TMEM132D: variants seen among roughly 807,000 people sequenced by gnomAD.
The protein encoded by TMEM132D is mature OL transmembrane protein.
TMEM132D carries 21 observed loss-of-function variants against 62.3 expected under a neutral mutation model. The ratio of observed to expected loss-of-function variants is 0.34; its 90% CI spans 0.24 to 0.49. TMEM132D has a LOEUF of 0.49. Among genes scored for constraint, TMEM132D ranks in the 20% least tolerant of loss-of-function variants. The pLI is 0.99. For missense variants in TMEM132D, 1,346 were observed against 1,402.8 expected, an observed-to-expected ratio of 0.96 and a Z score of 0.65; for synonymous variants, 621 against 575.6, an observed-to-expected ratio of 1.08 and a Z score of -1.13.
chr12:129,632,375 A>T (rs1396025795), intron 2 of TMEM132D, among the ~76,000 whole-genome samples: 2 of 152,220 alleles, frequency 1.3e-5, no homozygotes, highest in Admixed American at 1.3e-4. Flanking sequence ...AGTAAAAACA[A>T]GGAAGACATA....
chr12:129,427,958 A>G (rs780296670), intron 3 of TMEM132D, among the ~76,000 whole-genome samples: 14 of 152,134 alleles, frequency 9.2e-5, no homozygotes, highest in Non-Finnish European at 1.5e-4. Flanking sequence ...TGTGTTTTCA[A>G]TCCTCTCTCG....
chr12:129,105,449 C>A (rs1449928740), intron 5 of TMEM132D, among the ~76,000 whole-genome samples: 2 of 137,208 alleles, frequency 1.5e-5, no homozygotes, highest in Non-Finnish European at 1.5e-5. Flanking sequence ...TGCTAGATGA[C>A]GAGTTAGTGG....
At chr12:129,578,253 C>G (rs755434643) in intron 2 of TMEM132D, among the ~76,000 whole-genome samples, 1 of 152,068 alleles carries the variant, frequency 6.6e-6, no homozygotes, top group Admixed American at 6.6e-5. Context: ...TGAATGCACC[C>G]CAGGCTTCCC....
intron 3 of TMEM132D, among the ~76,000 whole-genome samples, chr12:129,487,033 G>T (rs375977502): frequency 6.2e-5 from 9 of 145,456 alleles, no homozygotes; most frequent in African/African-American, 2.4e-4. Context: ...TTTGCGTATG[G>T]GGGGGGGGGT....
intron 5 of TMEM132D, among the ~76,000 whole-genome samples, chr12:129,185,499 C>T (rs576109880): frequency 6.6e-6 from 1 of 152,184 alleles, no homozygotes; most frequent in Admixed American, 6.5e-5. Context: ...AAGTCATCAA[C>T]AGAAGATGAT....
chr12:129,352,562 A>C (rs1381610507), intron 3 of TMEM132D, among the ~76,000 whole-genome samples: 1 of 152,114 alleles, frequency 6.6e-6, no homozygotes, highest in East Asian at 1.9e-4. Context: ...ACAAATTTAC[A>C]AGAAAAAAAC....
intron 2 of TMEM132D, among the ~76,000 whole-genome samples, chr12:129,595,014 A>G (rs1422798356): frequency 6.6e-6 from 1 of 152,226 alleles, no homozygotes; most frequent in Non-Finnish European, 1.5e-5. Context: ...GCTTTGTTTT[A>G]CATAGGAGGA....
chr12:129,691,213 A>T (rs1430301059), intron 2 of TMEM132D, among the ~76,000 whole-genome samples: 4 of 152,000 alleles, frequency 2.6e-5, no homozygotes, highest in Non-Finnish European at 5.9e-5. Flanking sequence ...AGCATTAAAA[A>T]CATACATTAG....
At chr12:129,788,446 T>G (rs990485640) in intron 1 of TMEM132D, among the ~76,000 whole-genome samples, 1 of 152,232 alleles carries the variant, frequency 6.6e-6, no homozygotes, top group Non-Finnish European at 1.5e-5. Flanking sequence ...CCCTCTGATC[T>G]CCACTTAACT....
intron 3 of TMEM132D, among the ~76,000 whole-genome samples, chr12:129,375,576 C>T (rs1870758872): frequency 6.6e-6 from 1 of 152,154 alleles, no homozygotes; most frequent in Non-Finnish European, 1.5e-5. Flanking sequence ...GGAAATCAAA[C>T]TGTATGGAGG....
chr12:129,569,657 G>A (rs1399205825), intron 2 of TMEM132D, among the ~76,000 whole-genome samples: 2 of 152,070 alleles, frequency 1.3e-5, no homozygotes, highest in African/African-American at 4.8e-5. Context: ...ACTGCTCAAG[G>A]TTACACAGCG....
At chr12:129,204,134 T>C (rs1160780258) in intron 5 of TMEM132D, among the ~76,000 whole-genome samples, 1 of 152,236 alleles carries the variant, frequency 6.6e-6, no homozygotes, top group Admixed American at 6.5e-5. Context: ...GTGCCTTTTT[T>C]CTTCTAAATG....
chr12:129,901,758 G>A (rs2137403344), intron 1 of TMEM132D, among the ~76,000 whole-genome samples: 1 of 152,220 alleles, frequency 6.6e-6, no homozygotes, highest in African/African-American at 2.4e-5. Context: ...ACAATAGTGA[G>A]GTCCTATTTC....
intron 4 of TMEM132D, among the ~76,000 whole-genome samples, chr12:129,242,639 G>T (rs1241345205): frequency 6.6e-6 from 1 of 151,594 alleles, no homozygotes; most frequent in South Asian, 2.1e-4. Context: ...ATTTATTTTT[G>T]ATTTCTATTT....
chr12:129,283,192 C>T (rs1881202345), intron 4 of TMEM132D, among the ~76,000 whole-genome samples: 1 of 152,162 alleles, frequency 6.6e-6, no homozygotes, highest in Admixed American at 6.5e-5. Context: ...AGGCATTGTT[C>T]TTGGCTCTGG....
chr12:129,455,137 C>T (rs1485564754), intron 3 of TMEM132D, among the ~76,000 whole-genome samples: 1 of 152,178 alleles, frequency 6.6e-6, no homozygotes, highest in East Asian at 1.9e-4. Flanking sequence ...AATAAGCATG[C>T]TATTAGGTTC....
intron 1 of TMEM132D, among the ~76,000 whole-genome samples, chr12:129,799,832 G>C (rs1871704776): frequency 6.6e-6 from 1 of 152,134 alleles, no homozygotes; most frequent in Admixed American, 6.5e-5. Context: ...ACTGGGGCTT[G>C]TCCTCTGAAG....
intron 1 of TMEM132D, among the ~76,000 whole-genome samples, chr12:129,819,095 A>T (rs1241988383): frequency 6.6e-6 from 1 of 152,074 alleles, no homozygotes; most frequent in East Asian, 1.9e-4. Flanking sequence ...TGCTAAATGC[A>T]CACAACTGCT....
intron 5 of TMEM132D, among the ~76,000 whole-genome samples, chr12:129,095,934 G>A (rs115888454): frequency 0.021 from 3,212 of 152,228 alleles, 125 homozygotes; most frequent in African/African-American, 0.073. Flanking sequence ...CAGCCATTCA[G>A]TCCCTAGAGC....
Sources: gnomAD v4.1 joint callset for allele counts (sites outside exome capture counted in the v4.1 genomes callset) on GRCh38, gnomAD v4.1.1 for gene constraint, MANE v1.5 for transcripts, NCBI Gene and HGNC (gene_info 2026-07-23, HGNC 2026-07-21) for gene names.